The following BICRA variants were observed in gnomAD, a reference collection of about 807,000 sequenced individuals.
The protein encoded by BICRA is BRD4 interacting chromatin remodeling complex associated protein, also known as BRD4-interacting chromatin-remodeling complex-associated protein.
BICRA carries 31 observed loss-of-function variants against 96.9 expected under a neutral mutation model. The observed-to-expected ratio is 0.32, with a 90% CI of 0.24 to 0.43. BICRA has a LOEUF of 0.43. Ranked by LOEUF, BICRA falls within the 20% of genes least tolerant of loss-of-function variation. The probability of loss-of-function intolerance (pLI) is 1.00; values close to 1 mark genes in which losing one functional copy is unlikely to be tolerated. For missense variants in BICRA, 2,283 were observed against 2,190.3 expected (o/e 1.04, Z -0.84); for synonymous variants, 1,350 against 1,071.8 (o/e 1.26, Z -5.07).
At chr19:47,653,529 C>T (rs1267587532) in intron 1 of BICRA, among the ~76,000 whole-genome samples, 1 of 152,190 alleles carries the variant, frequency 6.6e-6, no homozygotes, top group Non-Finnish European at 1.5e-5. Context: ...TCCCTCCCCG[C>T]AGTCCTTAGC....
chr19:47,634,569 C>CA (rs1182223724), intron 1 of BICRA, among the ~76,000 whole-genome samples: 1 of 151,998 alleles, frequency 6.6e-6, no homozygotes, highest in Non-Finnish European at 1.5e-5. Context: ...TTAATGTGTT[C>CA]AATACCATGC....
Position 47,699,395 on chromosome 19 carries a change from G to A in BICRA, c.3585G>A (p.Lys1195=). The A allele has an allele frequency of 1.3e-6, 2 of 1,551,854 alleles. No individual in the cohort carries two copies. Among genetic ancestry groups the A allele is most frequent in the Non-Finnish European group, 1.7e-6 (2 of 1,144,522 alleles). ...TTLALDKQLA[K]EKPDEYVSSS... is the part of the protein sequence containing the mutation. ...TTGCCTTGGATAAACAGCTGGCCAAGGAGAAGCCGGGTGAGAGGGGGGAGT... is the reference window on the plus strand; with the variant it reads ...TTGCCTTGGATAAACAGCTGGCCAAAGAGAAGCCGGGTGAGAGGGGGGAGT... The change falls in exon 14 of 15, where the codon AAG becomes AAA. Residue 1195 remains lysine, a synonymous_variant. Transcript: ENST00000594866. The surrounding 1 kb of genome is among the most constrained non-coding windows in gnomAD (Gnocchi z 5.0).
intron 1 of BICRA, among the ~76,000 whole-genome samples, chr19:47,614,493 T>A (rs1048919418): frequency 2.0e-5 from 3 of 152,198 alleles, no homozygotes; most frequent in African/African-American, 7.2e-5. Context: ...GGTGCATGGC[T>A]GTAATCCCAG....
At chr19:47,620,495 C>T (rs538569231) in intron 1 of BICRA, among the ~76,000 whole-genome samples, 114 of 151,512 alleles carry the variant, frequency 7.5e-4, no homozygotes, top group African/African-American at 2.7e-3. Context: ...GGTGAAACCC[C>T]GTCTCTACAA....
At chr19:47,647,105 G>A (rs896415743) in intron 1 of BICRA, among the ~76,000 whole-genome samples, 1 of 152,150 alleles carries the variant, frequency 6.6e-6, no homozygotes, top group African/African-American at 2.4e-5. Flanking sequence ...AGGTCCCTCC[G>A]TGTGTGTCAG....
intron 1 of BICRA, among the ~76,000 whole-genome samples, chr19:47,648,116 C>A (rs1429454250): frequency 6.6e-6 from 1 of 151,958 alleles, no homozygotes; most frequent in African/African-American, 2.4e-5. Context: ...CTCCCCGTCC[C>A]TCTCTCTGTC....
At chr19:47,669,710 G>A (rs1972834468) in intron 1 of BICRA, among the ~76,000 whole-genome samples, 1 of 152,098 alleles carries the variant, frequency 6.6e-6, no homozygotes, top group Admixed American at 6.5e-5. Context: ...AGGCTGGAGT[G>A]CAGTGGCACG....
At position 47,694,325 on chromosome 19, in the gene BICRA, C is replaced by T; in HGVS notation, c.2494C>T (p.Pro832Ser). The T allele has an allele frequency of 9.6e-7, 1 of 1,046,808 alleles. No homozygotes were observed. Among genetic ancestry groups the T allele is most frequent in the Non-Finnish European group, 1.4e-6 (1 of 723,556 alleles). 64.8% of individuals were successfully genotyped at this position (1,046,808 alleles called of 1,614,324 possible). Residue 832 changes from proline (P) to serine (S), a missense_variant, in exon 8 of 15, where the codon CCT becomes TCT. By Grantham distance (74) the Pro-to-Ser change is moderately conservative. Coordinates refer to ENST00000594866, the MANE Select transcript of BICRA (RefSeq NM_001394372.1). The stretch of plus-strand genomic sequence containing the variant: ...CCCACCCCAGGCCCCCCCAACTCTG[C>T]CTGGCATCTTTGTCATCCAAAACCA... Reference protein sequence around the residue: ...CPPPQAPPTLPGIFVIQNQLG... With the variant: ...CPPPQAPPTLSGIFVIQNQLG...
intron 1 of BICRA, among the ~76,000 whole-genome samples, chr19:47,660,992 G>A (rs371027333): frequency 6.6e-5 from 10 of 152,120 alleles, no homozygotes; most frequent in African/African-American, 2.4e-4. Context: ...GGCAGATCAC[G>A]AGGTCAAGAG....
At chr19:47,645,720 C>CGA (rs1413042260) in intron 1 of BICRA, among the ~76,000 whole-genome samples, 2 of 152,216 alleles carry the variant, frequency 1.3e-5, no homozygotes, top group African/African-American at 4.8e-5. Flanking sequence ...ATATTTCCTT[C>CGA]TGATCTTCCT....
At chr19:47,626,092 A>C (rs960023519) in intron 1 of BICRA, 6 of 152,218 alleles carry the variant, frequency 3.9e-5, no homozygotes, top group Non-Finnish European at 5.9e-5. Flanking sequence ...GGGGTTCAGG[A>C]GGGGTGGGGA....
At chr19:47,672,662 G>T (rs1568565795) in intron 2 of BICRA, among the ~76,000 whole-genome samples, 1 of 151,930 alleles carries the variant, frequency 6.6e-6, no homozygotes, top group Non-Finnish European at 1.5e-5. Context: ...TGTTTGAGGG[G>T]AGGGAAGGCT....
chr19:47,652,929 T>A (rs568492433), intron 1 of BICRA, among the ~76,000 whole-genome samples: 1 of 152,196 alleles, frequency 6.6e-6, no homozygotes, highest in South Asian at 2.1e-4. Flanking sequence ...GGTAACGTTT[T>A]ACACACACCC....
At chr19:47,616,447 G>A (rs1183008164) in intron 1 of BICRA, among the ~76,000 whole-genome samples, 4 of 152,084 alleles carry the variant, frequency 2.6e-5, no homozygotes, top group Admixed American at 2.6e-4. Flanking sequence ...GACCAGCCTG[G>A]CCAACATGGT....
At chr19:47,624,446 C>G (rs543662622) in intron 1 of BICRA, among the ~76,000 whole-genome samples, 10 of 152,150 alleles carry the variant, frequency 6.6e-5, no homozygotes, top group African/African-American at 1.9e-4. Context: ...TACGTTTATA[C>G]GATACTGCAA....
chr19:47,608,975 CGGGCGCGGGCCCGGGGCGCGCGGGCCT>C (rs1211237005), upstream of BICRA: 1 of 141,546 alleles, frequency 7.1e-6, no homozygotes, highest in Non-Finnish European at 1.5e-5. Context: ...CTCCCCGGAA[CGGGCGCGGGCCCGGGGCGCGCGGGCCT>C]GGGCGCGGGG....
chr19:47,667,404 A>G (rs1181172886), intron 1 of BICRA, among the ~76,000 whole-genome samples: 2 of 151,610 alleles, frequency 1.3e-5, no homozygotes, highest in African/African-American at 4.9e-5. Flanking sequence ...TTTGAAATTC[A>G]CCCTCGGGAC....
At chr19:47,678,912 T>C in intron 5 of BICRA, 1 of 187,522 alleles carries the variant, frequency 5.3e-6, no homozygotes, top group East Asian at 1.3e-4. Flanking sequence ...TTTTTTTTTT[T>C]TTCTTCTCAA....
In BICRA at chr19:47,689,592, A is replaced by T. The variant is rs1973210378; in HGVS notation, c.2284-4523A>T. On this transcript the variant is annotated intron_variant, in intron 7 of 14. Coordinates refer to ENST00000594866, the MANE Select transcript of BICRA (RefSeq NM_001394372.1). ...CCGCCCTGCTAATTTCTGTATTTTT[A>T]GTAGAGACAGGGTTTCGCCATGTTG... is the stretch of plus-strand genomic sequence containing the variant. 2.0e-5 allele frequency among the ~76,000 whole-genome samples: 3 copies of T among 151,298 alleles called. No homozygotes were observed. The East Asian group carries it at 5.9e-4, about 30-fold the overall frequency.
Sources: gnomAD v4.1 joint callset for allele counts (sites outside exome capture counted in the v4.1 genomes callset) on GRCh38, gnomAD v4.1.1 for gene constraint, Gnocchi (gnomAD v3.1) non-coding constraint, MANE v1.5 for transcripts, NCBI Gene and HGNC (gene_info 2026-07-23, HGNC 2026-07-21) for gene names.